The following FLT1 variants were observed in gnomAD, a reference collection of about 807,000 sequenced individuals.
FLT1 encodes the protein vascular endothelial growth factor receptor 1.
In FLT1, 49 loss-of-function variants were observed where a neutral mutation model predicts 156.3. That is an observed-to-expected ratio of 0.31 (90% CI 0.25 to 0.40). FLT1 has a LOEUF of 0.40. Among genes scored for constraint, FLT1 ranks in the 10% least tolerant of loss-of-function variants. The probability of loss-of-function intolerance (pLI) is 1.00; values close to 1 mark genes in which losing one functional copy is unlikely to be tolerated. For missense variants in FLT1, 1,322 were observed against 1,637.2 expected (o/e 0.81, Z 3.32); for synonymous variants, 594 against 583.8 (o/e 1.02, Z -0.25).
intron 4 of FLT1, among the ~76,000 whole-genome samples, chr13:28,435,583 C>T (rs952749903): frequency 6.6e-6 from 1 of 152,152 alleles, no homozygotes; most frequent in African/African-American, 2.4e-5. Flanking sequence ...CCTTTTCTAT[C>T]GCCTTTTAAA....
chr13:28,423,943 TTTTC>T (rs1446223273), intron 10 of FLT1, among the ~76,000 whole-genome samples: 2 of 152,222 alleles, frequency 1.3e-5, no homozygotes, highest in Non-Finnish European at 2.9e-5. Flanking sequence ...ATCACTTTTC[TTTTC>T]TTTCTTTTTC....
intron 20 of FLT1, among the ~76,000 whole-genome samples, chr13:28,325,191 C>T (rs1015109952): frequency 6.6e-6 from 1 of 152,128 alleles, no homozygotes; most frequent in African/African-American, 2.4e-5. Context: ...ACGCACAAAC[C>T]CAAACGTTCC....
intron 3 of FLT1, among the ~76,000 whole-genome samples, chr13:28,447,978 A>G (rs1040991922): frequency 6.6e-6 from 1 of 152,192 alleles, no homozygotes; most frequent in African/African-American, 2.4e-5. Flanking sequence ...CCCAAAGAAG[A>G]TAAACAAGCA....
chr13:28,318,112 TCAC>T (rs1294442248), intron 24 of FLT1, among the ~76,000 whole-genome samples: 3 of 152,100 alleles, frequency 2.0e-5, no homozygotes, highest in Non-Finnish European at 4.4e-5. Flanking sequence ...GTGCTCACCA[TCAC>T]CACACTTGGC....
chr13:28,420,275 G>A (rs1307553267), intron 10 of FLT1, among the ~76,000 whole-genome samples: 1 of 152,178 alleles, frequency 6.6e-6, no homozygotes, highest in Admixed American at 6.5e-5. Context: ...GTATAAGATG[G>A]CCAGTTTTAT....
At chr13:28,373,013 A>G (rs188046291) in intron 14 of FLT1, among the ~76,000 whole-genome samples, 96 of 152,372 alleles carry the variant, frequency 6.3e-4, no homozygotes, top group African/African-American at 2.2e-3. Flanking sequence ...ATACTTAAAC[A>G]TTGCAAAACT....
chr13:28,483,465 C>T (rs78177088), intron 1 of FLT1, among the ~76,000 whole-genome samples: 1,914 of 152,272 alleles, frequency 0.013, 37 homozygotes, highest in African/African-American at 0.043. Context: ...TTTGACCAAA[C>T]GTTCCAGCTT....
intron 11 of FLT1, among the ~76,000 whole-genome samples, chr13:28,400,346 A>C (rs1446712084): frequency 6.6e-6 from 1 of 152,246 alleles, no homozygotes; most frequent in Admixed American, 6.5e-5. Context: ...GATAAATACA[A>C]TGGTTATCAC....
At chr13:28,491,407 G>T (rs1348244843) in intron 1 of FLT1, among the ~76,000 whole-genome samples, 1 of 152,000 alleles carries the variant, frequency 6.6e-6, no homozygotes, top group Non-Finnish European at 1.5e-5. Flanking sequence ...AAATAAATAG[G>T]GGTTTAAAAT....
chr13:28,360,970 T>G (rs1371484459), intron 14 of FLT1, among the ~76,000 whole-genome samples: 3 of 152,120 alleles, frequency 2.0e-5, no homozygotes, highest in African/African-American at 7.2e-5. Context: ...ATAATTATTA[T>G]TATTTGCCAA....
At chr13:28,470,939 C>T (rs1398930477) in intron 1 of FLT1, among the ~76,000 whole-genome samples, 1 of 152,164 alleles carries the variant, frequency 6.6e-6, no homozygotes, top group African/African-American at 2.4e-5. Flanking sequence ...GATCCGCCCA[C>T]CTCGGCTTCC....
intron 15 of FLT1, among the ~76,000 whole-genome samples, chr13:28,347,233 C>T (rs1310278368): frequency 6.6e-6 from 1 of 151,942 alleles, no homozygotes; most frequent in Admixed American, 6.6e-5. Flanking sequence ...GAGTAAAGAC[C>T]CAGACCTGGC....
chr13:28,343,908 C>T (rs1276695056), intron 16 of FLT1, among the ~76,000 whole-genome samples: 2 of 151,806 alleles, frequency 1.3e-5, no homozygotes, highest in South Asian at 2.1e-4. Flanking sequence ...TCCCAAAGTG[C>T]TGGGATTACA....
chr13:28,468,076 T>C (rs1266771934), intron 1 of FLT1, among the ~76,000 whole-genome samples: 2 of 152,212 alleles, frequency 1.3e-5, no homozygotes, highest in African/African-American at 4.8e-5. Context: ...TTTTTCTGAA[T>C]AAAAAGTACA....
intron 14 of FLT1, among the ~76,000 whole-genome samples, chr13:28,382,069 G>C (rs1874102383): frequency 6.6e-6 from 1 of 152,148 alleles, no homozygotes; most frequent in Non-Finnish European, 1.5e-5. Context: ...ATACATAAGA[G>C]AGGAGTAGAA....
chr13:28,345,772 G>GA lies in FLT1; in HGVS notation c.2249-222dup, dbSNP rs1872542140. 6.3e-6 allele frequency: 3 copies of GA among 474,954 alleles called. No individual in the cohort carries two copies. The South Asian group carries it at 9.2e-5, about 15-fold the overall frequency. 29.4% of individuals were successfully genotyped at this position (474,954 alleles called of 1,614,324 possible). On this transcript the variant is annotated intron_variant, in intron 15 of 29. Coordinates refer to ENST00000282397, the MANE Select transcript of FLT1 (RefSeq NM_002019.4). ...GGCAGTATACATGAACTCACATAAT[G>GA]AACTCACATAGAAAAGGCTTTCCAG...
chr13:28,409,760 A>G (rs184916466), intron 10 of FLT1, among the ~76,000 whole-genome samples: 2 of 152,316 alleles, frequency 1.3e-5, no homozygotes, highest in East Asian at 3.9e-4. Context: ...CCATCATGTG[A>G]CAAGAAATTA....
chr13:28,392,578 C>A (rs902457069), intron 12 of FLT1, among the ~76,000 whole-genome samples: 6 of 152,200 alleles, frequency 3.9e-5, no homozygotes, highest in African/African-American at 1.4e-4. Context: ...TTTCTATTTA[C>A]TTTAGTGATT....
chr13:28,388,099 G>A, intron 13 of FLT1: 2 of 1,056,988 alleles, frequency 1.9e-6, no homozygotes, highest in Non-Finnish European at 2.3e-6. Flanking sequence ...TTTCCTGAAG[G>A]AACACACTAA....
Sources: allele counts gnomAD v4.1 joint callset (sites outside exome capture counted in the v4.1 genomes callset), GRCh38; gene constraint gnomAD v4.1.1; transcripts MANE v1.5; gene names NCBI Gene and HGNC (gene_info 2026-07-23, HGNC 2026-07-21).